Variants in H2BC3 observed in about 807,000 individuals in gnomAD.
The protein encoded by H2BC3 is histone H2B type 1-B.
H2BC3 carries 8 observed loss-of-function variants against 6.0 expected under a neutral mutation model. That is an observed-to-expected ratio of 1.33 (90% CI 0.78 to 2.40). The LOEUF is 2.40. H2BC3 is among the 30% of genes most tolerant of loss of function. The pLI is 0.00. For synonymous variants in H2BC3, 122 were observed against 66.2 expected (o/e 1.84, Z -4.09); for missense variants, 222 against 163.2 (o/e 1.36, Z -1.96).
chr6:26,043,441 G>A lies in H2BC3; in HGVS notation c.217C>T (p.Arg73Cys), dbSNP rs775001760. The change falls in exon 1 of 1, where the codon CGC becomes TGC. Residue 73 changes from arginine (R) to cysteine (C), a missense_variant. By Grantham distance (180) the Arg-to-Cys change is radical. Transcript: ENST00000615966. ...MNSFVNDIFE[R>C]IAGEASRLAH... is the part of the protein sequence containing the mutation. ...AGGCGAGAAGCCTCGCCCGCGATGC[G>A]CTCGAAGATGTCGTTGACGAAGGAA... 1 of 1,614,180 alleles carries A rather than the reference G, an allele frequency of 6.2e-7. No individual in the cohort carries two copies. The highest frequency in any genetic ancestry group is 1.1e-5 in the South Asian group (1 of 91,082).
In H2BC3 at chr6:26,043,457, G is replaced by A; in HGVS notation, c.201C>T (p.Val67=). 6.2e-7 allele frequency: 1 copy of A among 1,614,182 alleles called. No individual in the cohort carries two copies. Among genetic ancestry groups the A allele is most frequent in the Non-Finnish European group, 8.5e-7 (1 of 1,180,030 alleles). ...CCGCGATGCGCTCGAAGATGTCGTT[G>A]ACGAAGGAATTCATGATCCCCATGG... The part of the protein sequence containing the change: ...SKAMGIMNSF[V]NDIFERIAGE... The change falls in exon 1 of 1, where the codon GTC becomes GTT. Residue 67 remains valine, a synonymous_variant. Transcript: ENST00000615966.
rs752844404 is a variant in H2BC3, at chr6:26,043,542, G to C, written c.116C>G (p.Ser39Cys). The change falls in exon 1 of 1, where the codon TCT becomes TGT. Residue 39 changes from serine to cysteine, a missense_variant. By Grantham distance (112) the Ser-to-Cys change is moderately radical. Coordinates refer to ENST00000615966, the MANE Select transcript of H2BC3 (RefSeq NM_021062.3). ...KRKRSRKESY[S>C]IYVYKVLKQV... ...CTTCAGAACCTTGTACACATAGATAGAATAGCTCTCCTTGCGGCTGCGCTT... is the reference window on the plus strand; with the variant it reads ...CTTCAGAACCTTGTACACATAGATACAATAGCTCTCCTTGCGGCTGCGCTT... 1.2e-6 allele frequency: 2 copies of C among 1,614,206 alleles called. No homozygotes were observed. Among genetic ancestry groups the C allele is most frequent in the Non-Finnish European group, 1.7e-6 (2 of 1,180,028 alleles).
At position 26,043,595 on chromosome 6, in the gene H2BC3, C is replaced by T. The variant is rs752769182; in HGVS notation, c.63G>A (p.Lys21=). ...PKKGSKKAIT[K]AQKKDGKKRK... is the part of the protein sequence containing the mutation. ...GCTTCTTACCATCCTTCTTCTGCGC[C>T]TTAGTGATAGCCTTCTTAGAACCCT... The change falls in exon 1 of 1, where the codon AAG becomes AAA. Residue 21 remains lysine, a synonymous_variant. Transcript: ENST00000615966. 4 of 1,613,974 alleles carry T rather than the reference C, an allele frequency of 2.5e-6. No individual in the cohort carries two copies. The highest frequency in any genetic ancestry group is 8.5e-7 in the Non-Finnish European group (1 of 1,179,980).
chr6:26,043,349 C>T lies in H2BC3; in HGVS notation c.309G>A (p.Leu103=). Reference sequence around the variant, plus strand: ...CAGCATGCTTAGCCAGCTCCCCAGGCAGCAGCAGGCGCACAGCCGTCTGAA... The same window carrying T: ...CAGCATGCTTAGCCAGCTCCCCAGGTAGCAGCAGGCGCACAGCCGTCTGAA... ...REIQTAVRLL[L]PGELAKHAVS... The change falls in exon 1 of 1, where the codon CTG becomes CTA. Residue 103 remains leucine, a synonymous_variant. Transcript: ENST00000615966. 4 of 1,614,106 alleles carry T rather than the reference C, an allele frequency of 2.5e-6. No individual in the cohort carries two copies. Among genetic ancestry groups the T allele is most frequent in the East Asian group, 2.2e-5 (1 of 44,834 alleles).
chr6:26,043,395 G>T lies in H2BC3; in HGVS notation c.263C>A (p.Ser88Ter). 6.2e-7 allele frequency: 1 copy of T among 1,614,164 alleles called. No individual in the cohort carries two copies. Among genetic ancestry groups the T allele is most frequent in the East Asian group, 2.2e-5 (1 of 44,844 alleles). ...CTGAATCTCCCTGGAGGTGATGGTC[G>T]AGCGCTTATTGTAGTGAGCCAGGCG... is the stretch of plus-strand genomic sequence containing the variant. Reference protein sequence around the residue: ...ASRLAHYNKRSTITSREIQTA... With the variant: ...ASRLAHYNKR Residue 88 changes from serine (S) to a stop codon, truncating the protein, a stop_gained, in exon 1 of 1, where the codon TCG becomes TAG. Transcript: ENST00000615966. LOFTEE classifies it high-confidence loss of function.
At position 26,043,397 on chromosome 6, in the gene H2BC3, G is replaced by A. The variant is rs1426752679; in HGVS notation, c.261C>T (p.Arg87=). The part of the protein sequence containing the change: ...EASRLAHYNK[R]STITSREIQT... ...GAATCTCCCTGGAGGTGATGGTCGA[G>A]CGCTTATTGTAGTGAGCCAGGCGAG... Residue 87 remains arginine (R), a synonymous_variant, in exon 1 of 1, where the codon CGC becomes CGT. Coordinates refer to ENST00000615966, the MANE Select transcript of H2BC3 (RefSeq NM_021062.3). 2 of 1,614,198 alleles carry A rather than the reference G, an allele frequency of 1.2e-6. No individual in the cohort carries two copies. Among genetic ancestry groups the A allele is most frequent in the Non-Finnish European group, 1.7e-6 (2 of 1,180,044 alleles).
rs781267667 is a variant in H2BC3 at position 26,043,361 on chromosome 6, C to G, written c.297G>C (p.Val99=). 1.4e-5 allele frequency: 22 copies of G among 1,614,114 alleles called. No individual in the cohort carries two copies. Among genetic ancestry groups the G allele is most frequent in the Non-Finnish European group, 1.9e-5 (22 of 1,180,020 alleles). Reference sequence around the variant, plus strand: ...CCAGCTCCCCAGGCAGCAGCAGGCGCACAGCCGTCTGAATCTCCCTGGAGG... The same window carrying G: ...CCAGCTCCCCAGGCAGCAGCAGGCGGACAGCCGTCTGAATCTCCCTGGAGG... ...TITSREIQTA[V]RLLLPGELAK... is the part of the protein sequence containing the mutation. Residue 99 remains valine (V), a synonymous_variant, in exon 1 of 1, where the codon GTG becomes GTC. Transcript: ENST00000615966.
chr6:26,043,628 G>A lies in H2BC3; in HGVS notation c.30C>T (p.Ala10=), dbSNP rs754556609. 22 of 1,610,308 alleles carry A rather than the reference G, an allele frequency of 1.4e-5. No individual in the cohort carries two copies. Among genetic ancestry groups the A allele is most frequent in the Middle Eastern group, 1.6e-4 (1 of 6,064 alleles). MPEPSKSAP[A]PKKGSKKAIT... is the part of the protein sequence containing the mutation. ...TAGCCTTCTTAGAACCCTTTTTAGG[G>A]GCTGGAGCAGACTTAGAGGGTTCAG... Residue 10 remains alanine (A), a synonymous_variant, in exon 1 of 1, where the codon GCC becomes GCT. Transcript: ENST00000615966.
rs960461004 is a variant in H2BC3 at position 26,043,556 on chromosome 6, G to A, written c.102C>T (p.Arg34=). The change falls in exon 1 of 1, where the codon CGC becomes CGT. Residue 34 remains arginine, a synonymous_variant. Coordinates refer to ENST00000615966, the MANE Select transcript of H2BC3 (RefSeq NM_021062.3). The stretch of plus-strand genomic sequence containing the variant: ...ACACATAGATAGAATAGCTCTCCTT[G>A]CGGCTGCGCTTACGCTTCTTACCAT... ...KKDGKKRKRS[R]KESYSIYVYK... 15 of 1,614,208 alleles carry A rather than the reference G, an allele frequency of 9.3e-6. No individual in the cohort carries two copies. The highest frequency in any genetic ancestry group is 2.2e-5 in the East Asian group (1 of 44,882).
Position 26,043,352 on chromosome 6 carries a change from C to T in H2BC3, c.306G>A (p.Leu102=). The stretch of plus-strand genomic sequence containing the variant: ...CATGCTTAGCCAGCTCCCCAGGCAG[C>T]AGCAGGCGCACAGCCGTCTGAATCT... The part of the protein sequence containing the change: ...SREIQTAVRL[L]LPGELAKHAV... Residue 102 remains leucine (L), a synonymous_variant, in exon 1 of 1, where the codon CTG becomes CTA. Coordinates refer to ENST00000615966, the MANE Select transcript of H2BC3 (RefSeq NM_021062.3). The T allele has an allele frequency of 1.2e-6, 2 of 1,614,096 alleles. No homozygotes were observed. The highest frequency in any genetic ancestry group is 1.1e-5 in the South Asian group (1 of 91,084).
chr6:26,043,392 G>A lies in H2BC3; in HGVS notation c.266C>T (p.Thr89Ile). The A allele has an allele frequency of 6.2e-7, 1 of 1,614,182 alleles. No homozygotes were observed. Among genetic ancestry groups the A allele is most frequent in the South Asian group, 1.1e-5 (1 of 91,076 alleles). ...CGTCTGAATCTCCCTGGAGGTGATG[G>A]TCGAGCGCTTATTGTAGTGAGCCAG... ...SRLAHYNKRS[T>I]ITSREIQTAV... The change falls in exon 1 of 1, where the codon ACC (threonine) becomes ATC (isoleucine). Residue 89 changes from threonine (T) to isoleucine (I), a missense_variant. Thr to Ile is a moderately conservative substitution (Grantham distance 89). Coordinates refer to ENST00000615966, the MANE Select transcript of H2BC3 (RefSeq NM_021062.3).
At position 26,043,589 on chromosome 6, in the gene H2BC3, C is replaced by T. The variant is rs776966855; in HGVS notation, c.69G>A (p.Gln23=). The T allele has an allele frequency of 6.2e-7, 1 of 1,614,190 alleles. No individual in the cohort carries two copies. Among genetic ancestry groups the T allele is most frequent in the Non-Finnish European group, 8.5e-7 (1 of 1,180,000 alleles). The change falls in exon 1 of 1, where the codon CAG becomes CAA. Residue 23 remains glutamine, a synonymous_variant. Transcript: ENST00000615966. ...KGSKKAITKA[Q]KKDGKKRKRS... ...GCTTACGCTTCTTACCATCCTTCTT[C>T]TGCGCCTTAGTGATAGCCTTCTTAG...
Position 26,043,473 on chromosome 6 carries a change from A to G in H2BC3, c.185T>C (p.Ile62Thr). ...DTGISSKAMG[I>T]MNSFVNDIFE... is the part of the protein sequence containing the mutation. ...GATGTCGTTGACGAAGGAATTCATG[A>G]TCCCCATGGCCTTGGATGAGATGCC... Residue 62 changes from isoleucine to threonine, a missense_variant, in exon 1 of 1, where the codon ATC becomes ACC. Coordinates refer to ENST00000615966, the MANE Select transcript of H2BC3 (RefSeq NM_021062.3). 6.2e-7 allele frequency: 1 copy of G among 1,614,174 alleles called. No individual in the cohort carries two copies. Among genetic ancestry groups the G allele is most frequent in the Non-Finnish European group, 8.5e-7 (1 of 1,180,038 alleles).
Position 26,043,404 on chromosome 6 carries a change from T to C in H2BC3, c.254A>G (p.Asn85Ser), listed in dbSNP as rs925685844. 5 of 1,614,042 alleles carry C rather than the reference T, an allele frequency of 3.1e-6. No homozygotes were observed. The highest frequency in any genetic ancestry group is 2.7e-5 in the African/African-American group (2 of 74,924). The change falls in exon 1 of 1, where the codon AAT (asparagine) becomes AGT (serine). Residue 85 changes from asparagine (N) to serine (S), a missense_variant. Physicochemically the swap from Asn to Ser is conservative, Grantham distance 46. Transcript: ENST00000615966. The part of the protein sequence containing the change: ...AGEASRLAHY[N>S]KRSTITSREI... Reference sequence around the variant, plus strand: ...CCTGGAGGTGATGGTCGAGCGCTTATTGTAGTGAGCCAGGCGAGAAGCCTC... The same window carrying C: ...CCTGGAGGTGATGGTCGAGCGCTTACTGTAGTGAGCCAGGCGAGAAGCCTC...
chr6:26,043,703 C>T lies in H2BC3; in HGVS notation c.-46G>A, dbSNP rs779674665. On this transcript the variant is annotated 5_prime_UTR_variant, in exon 1 of 1. Coordinates refer to ENST00000615966, the MANE Select transcript of H2BC3 (RefSeq NM_021062.3). ...GAAAAGCTACTAACACTCTCCACTA[C>T]AGAGTAGTACAGAGAACAGTTCAGA... 3 of 1,513,918 alleles carry T rather than the reference C, an allele frequency of 2.0e-6. No homozygotes were observed. In the East Asian group the frequency reaches 6.8e-5, roughly 34 times the overall value. The allele number at this position is 1,513,918 out of a possible 1,614,324, so 93.8% of individuals were successfully genotyped here. A position where few individuals can be genotyped will look rare whatever the true frequency, so the allele number is the denominator to read the frequency against.
rs1180589631 is a variant in H2BC3, at chr6:26,043,618, C to A, written c.40G>T (p.Gly14Cys). 4.3e-6 allele frequency: 7 copies of A among 1,612,514 alleles called. No individual in the cohort carries two copies. Among genetic ancestry groups the A allele is most frequent in the Non-Finnish European group, 5.1e-6 (6 of 1,179,366 alleles). The change falls in exon 1 of 1, where the codon GGT becomes TGT. Residue 14 changes from glycine (G) to cysteine (C), a missense_variant. By Grantham distance (159) the Gly-to-Cys change is radical. Coordinates refer to ENST00000615966, the MANE Select transcript of H2BC3 (RefSeq NM_021062.3). ...PSKSAPAPKK[G>C]SKKAITKAQK... ...GCCTTAGTGATAGCCTTCTTAGAAC[C>A]CTTTTTAGGGGCTGGAGCAGACTTA... is the stretch of plus-strand genomic sequence containing the variant.
Position 26,043,676 on chromosome 6 carries a change from T to G in H2BC3, c.-19A>C, listed in dbSNP as rs769755321. The G allele has an allele frequency of 3.2e-6, 5 of 1,561,218 alleles. No individual in the cohort carries two copies. Among genetic ancestry groups the G allele is most frequent in the East Asian group, 2.2e-5 (1 of 44,628 alleles). On this transcript the variant is annotated 5_prime_UTR_variant, in exon 1 of 1. Coordinates refer to ENST00000615966, the MANE Select transcript of H2BC3 (RefSeq NM_021062.3). The stretch of plus-strand genomic sequence containing the variant: ...CAGGCATTGCTATTCCTAAACAGAA[T>G]AGAAAAGCTACTAACACTCTCCACT...
rs1581638662 is a variant in H2BC3, at chr6:26,043,488, G to T, written c.170C>A (p.Ser57Tyr). The T allele has an allele frequency of 6.2e-7, 1 of 1,614,220 alleles. No homozygotes were observed. Among genetic ancestry groups the T allele is most frequent in the Non-Finnish European group, 8.5e-7 (1 of 1,180,048 alleles). ...GGAATTCATGATCCCCATGGCCTTG[G>T]ATGAGATGCCGGTGTCGGGGTGGAC... ...KQVHPDTGIS[S>Y]KAMGIMNSFV... The change falls in exon 1 of 1, where the codon TCC becomes TAC. Residue 57 changes from serine to tyrosine, a missense_variant. Ser to Tyr is a moderately radical substitution (Grantham distance 144, BLOSUM62 -2). Transcript: ENST00000615966.
rs535828942 is a variant in H2BC3, at chr6:26,043,672, A to G, written c.-15T>C. 46 of 1,564,642 alleles carry G rather than the reference A, an allele frequency of 2.9e-5. No homozygotes were observed. The South Asian group carries it at 5.5e-4, about 19-fold the overall frequency. ...GGTTCAGGCATTGCTATTCCTAAAC[A>G]GAATAGAAAAGCTACTAACACTCTC... On this transcript the variant is annotated 5_prime_UTR_variant, in exon 1 of 1. Transcript: ENST00000615966.
Sources: allele counts gnomAD v4.1 joint callset, GRCh38; gene constraint gnomAD v4.1.1; transcripts MANE v1.5; gene names NCBI Gene and HGNC (gene_info 2026-07-23, HGNC 2026-07-21).